The following CBLN2 variants were observed in gnomAD, a reference collection of about 807,000 sequenced individuals.
CBLN2 encodes cerebellin 2 precursor, also known as cerebellin-2.
Under a neutral mutation model 15.0 loss-of-function variants are expected in CBLN2, and 7 were observed. The ratio of observed to expected loss-of-function variants is 0.47; its 90% CI spans 0.27 to 0.88. The LOEUF (loss-of-function observed/expected upper bound fraction) is 0.88. CBLN2 is among the 40% of genes least tolerant of loss of function. The pLI is 0.14. For missense variants in CBLN2, 242 were observed against 304.5 expected, an observed-to-expected ratio of 0.79 and a Z score of 1.53; for synonymous variants, 149 against 135.2, an observed-to-expected ratio of 1.10 and a Z score of -0.71.
At chr18:72,597,037 T>G (rs1014614862) in intron 1 of CBLN2, among the ~76,000 whole-genome samples, 1 of 152,230 alleles carries the variant, frequency 6.6e-6, no homozygotes, top group Non-Finnish European at 1.5e-5. Flanking sequence ...TCTACTTTAA[T>G]ACCAATAATT....
intron 1 of CBLN2, among the ~76,000 whole-genome samples, chr18:72,632,521 G>C (rs548590983): frequency 6.6e-6 from 1 of 152,212 alleles, no homozygotes; most frequent in East Asian, 1.9e-4. Context: ...TTCATGCTGT[G>C]AACTTTGTCT....
upstream of CBLN2, among the ~76,000 whole-genome samples, chr18:72,546,063 TAG>T (rs1002531421): frequency 6.6e-6 from 1 of 152,254 alleles, no homozygotes; most frequent in Non-Finnish European, 1.5e-5. Context: ...GAGATTATTT[TAG>T]AAGAAACCAT....
At chr18:72,569,480 T>C (rs2144904065) in intron 1 of CBLN2, among the ~76,000 whole-genome samples, 1 of 152,344 alleles carries the variant, frequency 6.6e-6, no homozygotes, top group Admixed American at 6.5e-5. Flanking sequence ...AATTATCTTA[T>C]TCTGTGTTAC....
chr18:72,538,550 C>A (rs1267385711), intron 4 of CBLN2, 103 bp downstream of exon 4: 4 of 1,521,702 alleles, frequency 2.6e-6, no homozygotes, highest in South Asian at 1.2e-5. Flanking sequence ...CTGGACAGAC[C>A]AGTACCCTGT....
intron 1 of CBLN2, among the ~76,000 whole-genome samples, chr18:72,605,603 C>A (rs1019996401): frequency 1.3e-5 from 2 of 152,136 alleles, no homozygotes; most frequent in African/African-American, 4.8e-5. Flanking sequence ...ATAAGTCAAA[C>A]AATGGAGGAA....
At chr18:72,549,868 C>A (rs1463163338) in intron 1 of CBLN2, among the ~76,000 whole-genome samples, 1 of 151,990 alleles carries the variant, frequency 6.6e-6, no homozygotes, top group Non-Finnish European at 1.5e-5. Context: ...CATTACTGGG[C>A]AAATGCTTAC....
rs2069079311 is a variant in CBLN2, at chr18:72,538,011, AC to A, written c.*164del. ...CGAGGAATTGTCAGTATTCCAAAAA[AC>A]AAAAACAAAAGTACTGGAGGTTTCA... On this transcript the variant is annotated 3_prime_UTR_variant, in exon 5 of 5. Coordinates refer to ENST00000269503, the MANE Select transcript of CBLN2 (RefSeq NM_182511.4). 1.4e-6 allele frequency: 1 copy of A among 692,352 alleles called. No individual in the cohort carries two copies. The highest frequency in any genetic ancestry group is 1.8e-5 in the African/African-American group (1 of 55,216). 42.9% of individuals were successfully genotyped at this position (692,352 alleles called of 1,614,324 possible). A position where few individuals can be genotyped will look rare whatever the true frequency, so the allele number is the denominator to read the frequency against.
intron 1 of CBLN2, among the ~76,000 whole-genome samples, chr18:72,604,312 T>A (rs750607038): frequency 7.2e-5 from 11 of 152,196 alleles, no homozygotes; most frequent in Non-Finnish European, 1.5e-4. Flanking sequence ...TTCATAATTT[T>A]TTTTGTTATT....
intron 1 of CBLN2, among the ~76,000 whole-genome samples, chr18:72,559,216 T>A (rs190457395): frequency 4.4e-3 from 664 of 152,344 alleles, no homozygotes; most frequent in Non-Finnish European, 7.5e-3. Context: ...ACTTGATGTT[T>A]TGTGACCTGC....
intron 1 of CBLN2, among the ~76,000 whole-genome samples, chr18:72,616,547 G>A (rs547462456): frequency 6.6e-6 from 1 of 152,198 alleles, no homozygotes; most frequent in African/African-American, 2.4e-5. Context: ...CACTGGTAGT[G>A]TGGAAAGGAT....
At chr18:72,598,241 G>A (rs532357880) in intron 1 of CBLN2, among the ~76,000 whole-genome samples, 1 of 152,276 alleles carries the variant, frequency 6.6e-6, no homozygotes, top group South Asian at 2.1e-4. Context: ...CAGGACCCAA[G>A]GGCTCTTTAG....
intron 1 of CBLN2, among the ~76,000 whole-genome samples, chr18:72,613,757 C>G (rs13381576): frequency 1.3e-5 from 2 of 151,968 alleles, no homozygotes; most frequent in African/African-American, 4.8e-5. Context: ...TTTATTTACA[C>G]GTTTTCCTGA....
chr18:72,605,456 G>T (rs76263493), intron 1 of CBLN2, among the ~76,000 whole-genome samples: 6,232 of 152,272 alleles, frequency 0.041, 173 homozygotes, highest in Middle Eastern at 0.065. Flanking sequence ...ATAGATGCAA[G>T]GGGATAATAC....
At chr18:72,565,616 A>C (rs972793619) in intron 1 of CBLN2, among the ~76,000 whole-genome samples, 29 of 152,176 alleles carry the variant, frequency 1.9e-4, no homozygotes, top group Non-Finnish European at 4.3e-4. Context: ...CCATAATAAC[A>C]ACACATAAAA....
At chr18:72,570,548 A>C (rs1366139186) in intron 1 of CBLN2, among the ~76,000 whole-genome samples, 1 of 151,872 alleles carries the variant, frequency 6.6e-6, no homozygotes, top group East Asian at 1.9e-4. Context: ...GTGCCCAGCC[A>C]GCCAACAGCA....
chr18:72,634,238 T>C (rs965174865), intron 1 of CBLN2, among the ~76,000 whole-genome samples: 1 of 152,074 alleles, frequency 6.6e-6, no homozygotes. Context: ...TTTTAAGAAG[T>C]TCTGTAAACA....
In CBLN2 at chr18:72,537,917, T is replaced by A; in HGVS notation, c.*259A>T. 1.9e-6 allele frequency: 1 copy of A among 525,394 alleles called. No homozygotes were observed. Among genetic ancestry groups the A allele is most frequent in the Non-Finnish European group, 3.4e-6 (1 of 292,876 alleles). The allele number at this position is 525,394 out of a possible 1,614,324, so 32.5% of individuals were successfully genotyped here. The stretch of plus-strand genomic sequence containing the variant: ...TTGACTTTACAATCACAGGTACAAA[T>A]TGCTCAAATCGATAATTTCATTTCT... On this transcript the variant is annotated 3_prime_UTR_variant, in exon 5 of 5. Coordinates refer to ENST00000269503, the MANE Select transcript of CBLN2 (RefSeq NM_182511.4).
At position 72,541,936 on chromosome 18, in the gene CBLN2, G is replaced by T. The variant is rs1376214305; in HGVS notation, c.225C>A (p.Asp75Glu). 2 of 1,607,598 alleles carry T rather than the reference G, an allele frequency of 1.2e-6. No individual in the cohort carries two copies. Among genetic ancestry groups the T allele is most frequent in the African/African-American group, 1.3e-5 (1 of 75,008 alleles). Reference protein sequence around the residue: ...LVVCDSSPSADGAVTSSLGIS... With the variant: ...LVVCDSSPSAEGAVTSSLGIS... The stretch of plus-strand genomic sequence containing the variant: ...TGCCTAGGGAGGAGGTGACGGCGCC[G>T]TCCGCCGACGGGCTGGAGTCGCACA... Residue 75 changes from aspartate to glutamate, a missense_variant, in exon 3 of 5, where the codon GAC becomes GAA. By Grantham distance (45) the Asp-to-Glu change is conservative (BLOSUM62 2). Coordinates refer to ENST00000269503, the MANE Select transcript of CBLN2 (RefSeq NM_182511.4).
chr18:72,549,807 T>C (rs1050927973), intron 1 of CBLN2, among the ~76,000 whole-genome samples: 7 of 152,240 alleles, frequency 4.6e-5, no homozygotes, highest in Non-Finnish European at 7.3e-5. Context: ...AAGATTATTC[T>C]ATCAGGGGTT....
Sources: gnomAD v4.1 joint callset for allele counts (sites outside exome capture counted in the v4.1 genomes callset) on GRCh38, gnomAD v4.1.1 for gene constraint, MANE v1.5 for transcripts, NCBI Gene and HGNC (gene_info 2026-07-23, HGNC 2026-07-21) for gene names.